SLC9B2: variants seen among roughly 807,000 people sequenced by gnomAD.
SLC9B2 encodes solute carrier family 9 member B2.
Under a neutral mutation model 52.2 loss-of-function variants are expected in SLC9B2, and 39 were observed. The ratio of observed to expected loss-of-function variants is 0.75; its 90% CI spans 0.58 to 0.98. The LOEUF (loss-of-function observed/expected upper bound fraction) is 0.98, where lower values mean the gene tolerates loss of function less well. Ranked by LOEUF, SLC9B2 falls within the 50% of genes least tolerant of loss-of-function variation. SLC9B2 has a pLI of 0.00. For synonymous variants in SLC9B2, 214 were observed against 227.0 expected, an observed-to-expected ratio of 0.94 and a Z score of 0.51; for missense variants, 626 against 637.5, an observed-to-expected ratio of 0.98 and a Z score of 0.19.
intron 4 of SLC9B2, among the ~76,000 whole-genome samples, chr4:103,052,045 C>T (rs543269250): frequency 4.4e-4 from 67 of 152,326 alleles, no homozygotes; most frequent in African/African-American, 1.3e-3. Context: ...GTGCCTGCTA[C>T]ATGCTAGCCC....
intron 4 of SLC9B2, among the ~76,000 whole-genome samples, chr4:103,053,997 G>A (rs549013324): frequency 6.6e-6 from 1 of 152,194 alleles, no homozygotes; most frequent in Non-Finnish European, 1.5e-5. Context: ...GTGATTCCTG[G>A]CCTGGCATGG....
chr4:103,055,245 G>C (rs575555021), intron 4 of SLC9B2, among the ~76,000 whole-genome samples: 5 of 123,682 alleles, frequency 4.0e-5, no homozygotes, highest in Non-Finnish European at 6.6e-5. Flanking sequence ...GTTGTGGGGT[G>C]GGGGGAGGGA....
intron 1 of SLC9B2, among the ~76,000 whole-genome samples, chr4:103,075,564 T>C (rs1265721824): frequency 6.6e-6 from 1 of 152,206 alleles, no homozygotes. Context: ...CCAGTCTCCC[T>C]TGCAGGTCAG....
intron 9 of SLC9B2, among the ~76,000 whole-genome samples, chr4:103,038,651 C>T (rs927404740): frequency 6.6e-6 from 1 of 152,110 alleles, no homozygotes; most frequent in Non-Finnish European, 1.5e-5. Context: ...ATATCAATTA[C>T]TTTGGAGGAC....
intron 4 of SLC9B2, among the ~76,000 whole-genome samples, chr4:103,055,569 CT>C (rs1474319949): frequency 2.6e-5 from 4 of 151,618 alleles, no homozygotes; most frequent in Admixed American, 1.3e-4. Context: ...TTATATTTAA[CT>C]TTAACTACTG....
intron 9 of SLC9B2, 80 bp downstream of exon 9, chr4:103,043,216 A>T (rs1743784974): frequency 7.4e-7 from 1 of 1,357,964 alleles, no homozygotes; most frequent in Admixed American, 2.8e-5. Context: ...TATTAATTTG[A>T]TGCTAAGAAA....
chr4:103,049,622 T>A (rs1379198740), intron 5 of SLC9B2, among the ~76,000 whole-genome samples: 1 of 152,164 alleles, frequency 6.6e-6, no homozygotes, highest in African/African-American at 2.4e-5. Context: ...CCTGTGAGCA[T>A]TATTTATAAC....
chr4:103,063,430 C>T (rs1745838838), intron 3 of SLC9B2, among the ~76,000 whole-genome samples: 1 of 152,028 alleles, frequency 6.6e-6, no homozygotes, highest in African/African-American at 2.4e-5. Context: ...CTTTCAGAGC[C>T]CACAAAGTAT....
At chr4:103,030,544 G>A (rs1393761156) in intron 10 of SLC9B2, among the ~76,000 whole-genome samples, 1 of 151,868 alleles carries the variant, frequency 6.6e-6, no homozygotes, top group African/African-American at 2.4e-5. Flanking sequence ...GAGGAAATGG[G>A]AACTGAAGTG....
intron 9 of SLC9B2, among the ~76,000 whole-genome samples, chr4:103,034,652 G>A (rs921178426): frequency 6.6e-6 from 1 of 151,946 alleles, no homozygotes; most frequent in African/African-American, 2.4e-5. Context: ...GCACATGAAC[G>A]GACACTTCTC....
downstream of SLC9B2, chr4:103,019,563 G>A (rs920887347): frequency 1.5e-5 from 15 of 984,658 alleles, no homozygotes; most frequent in Non-Finnish European, 1.7e-5. Context: ...GCGCCAAAGG[G>A]CTTGGAAGGG....
intron 9 of SLC9B2, among the ~76,000 whole-genome samples, chr4:103,033,623 TA>T (rs60075468): frequency 1.5e-3 from 224 of 152,192 alleles, no homozygotes; most frequent in African/African-American, 5.1e-3. Flanking sequence ...AGTTTTAGGA[TA>T]AAAAATCAAT....
intron 3 of SLC9B2, 69 bp downstream of exon 3, chr4:103,066,258 C>T: frequency 1.3e-6 from 2 of 1,518,226 alleles, no homozygotes. Context: ...TCCTTTCAAC[C>T]ATATTATTTA....
chr4:103,031,106 C>G (rs1742661773), intron 10 of SLC9B2, among the ~76,000 whole-genome samples: 1 of 151,968 alleles, frequency 6.6e-6, no homozygotes, highest in African/African-American at 2.4e-5. Flanking sequence ...GGAAAGAATC[C>G]ATATGCAAGA....
chr4:103,075,695 G>C (rs1194921691), intron 1 of SLC9B2, among the ~76,000 whole-genome samples: 1 of 152,038 alleles, frequency 6.6e-6, no homozygotes, highest in African/African-American at 2.4e-5. Flanking sequence ...TTTTCTGTCC[G>C]TTGCCTGGAA....
chr4:103,074,798 C>T (rs1029785487), intron 1 of SLC9B2, among the ~76,000 whole-genome samples: 5 of 152,194 alleles, frequency 3.3e-5, no homozygotes, highest in Non-Finnish European at 5.9e-5. Flanking sequence ...ACTACTATTG[C>T]TGCCTGGAGT....
chr4:103,062,297 T>C (rs191264305), intron 3 of SLC9B2, among the ~76,000 whole-genome samples: 59 of 151,786 alleles, frequency 3.9e-4, no homozygotes, highest in African/African-American at 1.4e-3. Flanking sequence ...CACGTGCCTG[T>C]AATCCCAGCT....
intron 4 of SLC9B2, among the ~76,000 whole-genome samples, chr4:103,054,901 G>A (rs549503285): frequency 6.6e-6 from 1 of 152,172 alleles, no homozygotes; most frequent in Admixed American, 6.5e-5. Context: ...TATACCCAAA[G>A]GATTATAAAT....
At chr4:103,054,576 G>C (rs1484783158) in intron 4 of SLC9B2, among the ~76,000 whole-genome samples, 1 of 152,206 alleles carries the variant, frequency 6.6e-6, no homozygotes, top group African/African-American at 2.4e-5. Flanking sequence ...AACTCTGCCA[G>C]TATAATGTGA....
Sources: gnomAD v4.1 joint callset for allele counts (sites outside exome capture counted in the v4.1 genomes callset) on GRCh38, gnomAD v4.1.1 for gene constraint, MANE v1.5 for transcripts, NCBI Gene and HGNC (gene_info 2026-07-23, HGNC 2026-07-21) for gene names.